Variants in MAD1L1 observed in about 807,000 individuals in gnomAD.
MAD1L1 encodes the protein mitotic spindle assembly checkpoint protein MAD1.
MAD1L1 carries 95 observed loss-of-function variants against 96.9 expected under a neutral mutation model. The observed-to-expected ratio is 0.98, with a 90% confidence interval of 0.83 to 1.16. The LOEUF is 1.16. MAD1L1 is among the 50% of genes most tolerant of loss of function. MAD1L1 has a pLI of 0.00. For missense variants in MAD1L1, 1,007 were observed against 954.4 expected (o/e 1.06, Z -0.73); for synonymous variants, 473 against 396.6 (o/e 1.19, Z -2.29).
chr7:2,037,738 T>C (rs898876579), intron 12 of MAD1L1, among the ~76,000 whole-genome samples: 3 of 152,152 alleles, frequency 2.0e-5, no homozygotes, highest in Admixed American at 1.3e-4. Context: ...CCAACGCTGC[T>C]TGTGTCTGGC....
chr7:2,062,532 G>A (rs1326127398), intron 12 of MAD1L1, among the ~76,000 whole-genome samples: 3 of 152,026 alleles, frequency 2.0e-5, no homozygotes, highest in Non-Finnish European at 2.9e-5. Context: ...CCGAGATCAC[G>A]CGACTGCACT....
chr7:2,111,684 C>T (rs1787390480), intron 11 of MAD1L1, among the ~76,000 whole-genome samples: 1 of 152,200 alleles, frequency 6.6e-6, no homozygotes. Context: ...GGCCAGCAGC[C>T]GCACGCTGGA....
chr7:2,232,229 C>T (rs1240854852), intron 1 of MAD1L1, among the ~76,000 whole-genome samples: 1 of 152,252 alleles, frequency 6.6e-6, no homozygotes, highest in East Asian at 1.9e-4. Flanking sequence ...TTCTGAGTTT[C>T]CATTTAACAA....
intron 18 of MAD1L1, among the ~76,000 whole-genome samples, chr7:1,869,524 T>C (rs893052432): frequency 3.9e-5 from 6 of 152,066 alleles, no homozygotes; most frequent in Admixed American, 1.3e-4. Flanking sequence ...CCCAGCGCCT[T>C]TGCTGCCTCC....
At chr7:2,198,622 A>G (rs1034952429) in intron 10 of MAD1L1, among the ~76,000 whole-genome samples, 3 of 152,124 alleles carry the variant, frequency 2.0e-5, no homozygotes, top group African/African-American at 7.2e-5. Flanking sequence ...TGGAACACAC[A>G]CTTCAGGCCC....
chr7:1,951,523 A>G (rs1023548334), intron 16 of MAD1L1, among the ~76,000 whole-genome samples: 3 of 152,192 alleles, frequency 2.0e-5, no homozygotes, highest in Non-Finnish European at 4.4e-5. Flanking sequence ...GGCCACCACC[A>G]CAGCCCATTC....
At chr7:2,079,459 C>T (rs775612908) in intron 11 of MAD1L1, among the ~76,000 whole-genome samples, 2 of 152,236 alleles carry the variant, frequency 1.3e-5, no homozygotes, top group Admixed American at 6.5e-5. Flanking sequence ...GGAGCAGGCT[C>T]TGAAGCTGCA....
intron 11 of MAD1L1, among the ~76,000 whole-genome samples, chr7:2,129,225 T>A (rs1336988446): frequency 1.3e-5 from 2 of 152,148 alleles, no homozygotes; most frequent in Admixed American, 6.5e-5. Context: ...AGCTCACATG[T>A]GCAGCAGGCC....
intron 18 of MAD1L1, among the ~76,000 whole-genome samples, chr7:1,863,682 C>T (rs1036397447): frequency 1.3e-5 from 2 of 152,212 alleles, no homozygotes; most frequent in Admixed American, 6.5e-5. Flanking sequence ...CCCATCTTGC[C>T]CCTCCGCTCC....
chr7:1,879,936 T>C (rs1219508268), intron 18 of MAD1L1, among the ~76,000 whole-genome samples: 1 of 152,184 alleles, frequency 6.6e-6, no homozygotes, highest in Non-Finnish European at 1.5e-5. Flanking sequence ...TTCACTCTGT[T>C]AGCCAGGATG....
intron 13 of MAD1L1, among the ~76,000 whole-genome samples, chr7:2,006,560 G>A (rs1353289550): frequency 5.3e-5 from 8 of 150,774 alleles, no homozygotes; most frequent in Admixed American, 1.3e-4. Context: ...CAGGAGAGAC[G>A]GGACATCACT....
chr7:1,822,230 A>C (rs1183570254), intron 18 of MAD1L1, among the ~76,000 whole-genome samples: 1 of 152,104 alleles, frequency 6.6e-6, no homozygotes, highest in African/African-American at 2.4e-5. Flanking sequence ...AACATCTTAA[A>C]TACTCGGGTA....
At chr7:1,937,005 C>T (rs1020734932) in intron 16 of MAD1L1, 108 bp from the exon 17 acceptor site, 19 of 818,270 alleles carry the variant, frequency 2.3e-5, no homozygotes, top group Non-Finnish European at 2.3e-5. Context: ...GCACGGGTCA[C>T]ACACAGCACA....
intron 11 of MAD1L1, among the ~76,000 whole-genome samples, chr7:2,130,463 G>A (rs558133002): frequency 3.3e-4 from 50 of 152,270 alleles, no homozygotes; most frequent in Admixed American, 1.7e-3. Flanking sequence ...TCTCTACGTC[G>A]TCTGCGGCAG....
chr7:2,102,524 A>ACGTCACCATCACCACCAC (rs1786861349), intron 11 of MAD1L1, among the ~76,000 whole-genome samples: 1 of 135,064 alleles, frequency 7.4e-6, no homozygotes, highest in Non-Finnish European at 1.6e-5. Flanking sequence ...CACCATTCTC[A>ACGTCACCATCACCACCAC]CGTCACCATC....
At chr7:2,091,943 A>G (rs558363804) in intron 11 of MAD1L1, among the ~76,000 whole-genome samples, 1 of 152,324 alleles carries the variant, frequency 6.6e-6, no homozygotes, top group African/African-American at 2.4e-5. Context: ...TAAACCTGCT[A>G]TAAACACGCA....
intron 12 of MAD1L1, among the ~76,000 whole-genome samples, chr7:2,051,054 G>A (rs868292632): frequency 6.6e-6 from 1 of 152,232 alleles, no homozygotes; most frequent in South Asian, 2.1e-4. Context: ...AGTTTAAAGA[G>A]AGCATGTTTC....
chr7:2,171,908 T>G (rs1228654917), intron 10 of MAD1L1, among the ~76,000 whole-genome samples: 1 of 152,030 alleles, frequency 6.6e-6, no homozygotes, highest in Non-Finnish European at 1.5e-5. Context: ...ATGCCAGAAA[T>G]CAGCCACATC....
At chr7:2,092,551 C>G (rs1449608831) in intron 11 of MAD1L1, among the ~76,000 whole-genome samples, 1 of 151,814 alleles carries the variant, frequency 6.6e-6, no homozygotes, top group Non-Finnish European at 1.5e-5. Flanking sequence ...TCAACCATGC[C>G]CCGCCCGAGC....
Sources: gnomAD v4.1 joint callset for allele counts (sites outside exome capture counted in the v4.1 genomes callset) on GRCh38, gnomAD v4.1.1 for gene constraint, MANE v1.5 for transcripts, NCBI Gene and HGNC (gene_info 2026-07-23, HGNC 2026-07-21) for gene names.